CNTN4: variants seen among roughly 807,000 people sequenced by gnomAD.
CNTN4 encodes contactin-4.
Under a neutral mutation model 122.5 loss-of-function variants are expected in CNTN4, and 77 were observed. That is an observed-to-expected ratio of 0.63 (90% CI 0.52 to 0.76). CNTN4 has a LOEUF of 0.76. Ranked by LOEUF, CNTN4 falls within the 30% of genes least tolerant of loss-of-function variation. The probability of loss-of-function intolerance (pLI) is 0.00; values close to 1 mark genes in which losing one functional copy is unlikely to be tolerated. For missense variants in CNTN4, 1,256 were observed against 1,259.1 expected (o/e 1.00, Z 0.04); for synonymous variants, 512 against 447.0 (o/e 1.15, Z -1.83).
intron 2 of CNTN4, among the ~76,000 whole-genome samples, chr3:2,176,593 TG>T (rs1249879618): frequency 2.6e-5 from 4 of 152,116 alleles, no homozygotes; most frequent in African/African-American, 9.7e-5. Context: ...GCCAACATAA[TG>T]GAGGATGTTT....
intron 4 of CNTN4, among the ~76,000 whole-genome samples, chr3:2,681,263 C>T (rs749518233): frequency 3.9e-5 from 6 of 152,146 alleles, no homozygotes; most frequent in Non-Finnish European, 5.9e-5. Flanking sequence ...CAAAACATGG[C>T]ACATAAGCTA....
intron 2 of CNTN4, among the ~76,000 whole-genome samples, chr3:2,117,972 T>C (rs2033475543): frequency 6.6e-6 from 1 of 151,954 alleles, no homozygotes; most frequent in African/African-American, 2.4e-5. Context: ...TTTCTGATTA[T>C]AATAAAAACT....
At chr3:2,131,617 G>C (rs986901653) in intron 2 of CNTN4, among the ~76,000 whole-genome samples, 6 of 152,184 alleles carry the variant, frequency 3.9e-5, no homozygotes, top group Non-Finnish European at 5.9e-5. Flanking sequence ...GTCAGCAAAA[G>C]ATGTGATTCA....
intron 3 of CNTN4, among the ~76,000 whole-genome samples, chr3:2,467,282 A>C (rs1391354599): frequency 6.6e-6 from 1 of 152,130 alleles, no homozygotes; most frequent in African/African-American, 2.4e-5. Flanking sequence ...TTCTAGCTAG[A>C]GTCCCCATTA....
intron 3 of CNTN4, among the ~76,000 whole-genome samples, chr3:2,464,617 G>T (rs2075432122): frequency 6.6e-6 from 1 of 152,186 alleles, no homozygotes; most frequent in Admixed American, 6.5e-5. Context: ...GAATTAAAAT[G>T]ATACATTATT....
At chr3:2,164,744 AG>A (rs1280417175) in intron 2 of CNTN4, among the ~76,000 whole-genome samples, 3 of 152,160 alleles carry the variant, frequency 2.0e-5, no homozygotes, top group Non-Finnish European at 4.4e-5. Flanking sequence ...GTGAGTAAAA[AG>A]GGTTGCAATC....
rs537352823 is a variant in CNTN4 at position 2,739,544 on chromosome 3, A to G, written c.182+3203A>G. ...CCAAATGCATAGTATGTAATTTCAT[A>G]TTCATAAAATTTGAAAGTGGTTGAG... On this transcript the variant is annotated intron_variant, in intron 5 of 24. Transcript: ENST00000418658. Among the ~76,000 whole-genome samples the G allele has an allele frequency of 2.0e-5, 3 of 152,194 alleles. No individual in the cohort carries two copies. The South Asian group carries it at 6.2e-4, about 32-fold the overall frequency.
chr3:2,751,087 G>A (rs1372628464), intron 6 of CNTN4, among the ~76,000 whole-genome samples: 1 of 152,162 alleles, frequency 6.6e-6, no homozygotes, highest in East Asian at 1.9e-4. Context: ...GGATCACGAG[G>A]TCAGGAGATT....
intron 12 of CNTN4, among the ~76,000 whole-genome samples, chr3:2,910,427 T>G (rs1346011547): frequency 1.3e-5 from 2 of 152,220 alleles, no homozygotes; most frequent in African/African-American, 4.8e-5. Flanking sequence ...CATAAAAATA[T>G]TTCCAATAAA....
At chr3:3,043,291 G>A in intron 22 of CNTN4, 128 bp downstream of exon 22, 3 of 954,534 alleles carry the variant, frequency 3.1e-6, no homozygotes, top group African/African-American at 1.6e-5. Flanking sequence ...ATTTCCCTCA[G>A]CATTTTAACT....
chr3:2,617,653 C>G (rs2081821809), intron 4 of CNTN4, among the ~76,000 whole-genome samples: 1 of 151,904 alleles, frequency 6.6e-6, no homozygotes, highest in Non-Finnish European at 1.5e-5. Flanking sequence ...GATCTCTTGA[C>G]CTAGTGATCC....
At chr3:2,316,169 A>G (rs1008613203) in intron 2 of CNTN4, among the ~76,000 whole-genome samples, 5 of 152,152 alleles carry the variant, frequency 3.3e-5, no homozygotes, top group Non-Finnish European at 7.4e-5. Context: ...TGAAATGAAC[A>G]AATTAATAAA....
At chr3:2,861,289 G>A (rs576916750) in intron 7 of CNTN4, among the ~76,000 whole-genome samples, 1 of 152,196 alleles carries the variant, frequency 6.6e-6, no homozygotes, top group East Asian at 1.9e-4. Flanking sequence ...TCAGCACACT[G>A]ATAACTAATT....
At chr3:2,441,423 A>G (rs1189652510) in intron 3 of CNTN4, among the ~76,000 whole-genome samples, 1 of 152,182 alleles carries the variant, frequency 6.6e-6, no homozygotes, top group Non-Finnish European at 1.5e-5. Flanking sequence ...ATAAAACTAT[A>G]TTTCCCAATA....
At chr3:2,285,495 G>C (rs1344742580) in intron 2 of CNTN4, among the ~76,000 whole-genome samples, 3 of 151,874 alleles carry the variant, frequency 2.0e-5, no homozygotes, top group Non-Finnish European at 4.4e-5. Context: ...TCCTCTCCCT[G>C]CACATTTTTT....
intron 3 of CNTN4, among the ~76,000 whole-genome samples, chr3:2,435,612 T>G (rs1431349535): frequency 6.6e-6 from 1 of 152,154 alleles, no homozygotes. Context: ...AGGAAATTAT[T>G]TTAGTTACTC....
chr3:2,231,334 G>C (rs901690543), intron 2 of CNTN4, among the ~76,000 whole-genome samples: 4 of 152,198 alleles, frequency 2.6e-5, no homozygotes, highest in African/African-American at 9.7e-5. Context: ...GAGATGCTCA[G>C]AGAAGAGGAC....
At chr3:2,490,297 G>A (rs993438598) in intron 3 of CNTN4, among the ~76,000 whole-genome samples, 6 of 152,266 alleles carry the variant, frequency 3.9e-5, no homozygotes, top group East Asian at 1.9e-4. Context: ...AAACTGTCAC[G>A]CCCACTCTCA....
At chr3:3,008,938 G>A in intron 14 of CNTN4, 1 of 985,286 alleles carries the variant, frequency 1.0e-6, no homozygotes, top group Non-Finnish European at 1.2e-6. Context: ...TCCAAAAGAA[G>A]GGCGCCAAAC....
Sources: allele counts gnomAD v4.1 joint callset (sites outside exome capture counted in the v4.1 genomes callset), GRCh38; gene constraint gnomAD v4.1.1; transcripts MANE v1.5; gene names NCBI Gene and HGNC (gene_info 2026-07-23, HGNC 2026-07-21).